The following TMEM117 variants were observed in gnomAD, a reference collection of about 807,000 sequenced individuals.
TMEM117 encodes the protein transmembrane protein 117.
A neutral mutation model predicts 52.4 loss-of-function variants in TMEM117; 27 were observed. That is an observed-to-expected ratio of 0.51 (90% CI 0.38 to 0.71). The LOEUF (loss-of-function observed/expected upper bound fraction) is 0.71. Among genes scored for constraint, TMEM117 ranks in the 30% least tolerant of loss-of-function variants. The pLI is 0.00. For synonymous variants in TMEM117, 215 were observed against 206.3 expected (o/e 1.04, Z -0.36); for missense variants, 556 against 630.5 (o/e 0.88, Z 1.26).
At chr12:44,010,039 C>T (rs2638849) in intron 3 of TMEM117, 346,248 of 376,298 alleles carry the variant, frequency 0.92, 159,620 homozygotes, top group East Asian at 0.96. Flanking sequence ...ATGTGGTGTA[C>T]TTCTTACTGG....
At chr12:43,807,376 C>G in the TMEM117 span, among the ~76,000 whole-genome samples, 1 of 152,114 alleles carries the variant, frequency 6.6e-6, no homozygotes, top group East Asian at 1.9e-4. Flanking sequence ...TGTTCTATTG[C>G]CTGTTATCTG....
chr12:43,981,650 A>T (rs1945762472), intron 3 of TMEM117, among the ~76,000 whole-genome samples: 1 of 152,194 alleles, frequency 6.6e-6, no homozygotes, highest in Non-Finnish European at 1.5e-5. Context: ...CCTAGTCCAA[A>T]ATTCTTTAGT....
chr12:44,082,011 TATTTA>T (rs1439631201), intron 3 of TMEM117, among the ~76,000 whole-genome samples: 5 of 151,906 alleles, frequency 3.3e-5, no homozygotes, highest in African/African-American at 1.2e-4. Context: ...ATTAAAATAT[TATTTA>T]ATTTATATTT....
At chr12:44,155,742 A>G (rs907417686) in intron 4 of TMEM117, among the ~76,000 whole-genome samples, 1 of 152,124 alleles carries the variant, frequency 6.6e-6, no homozygotes, top group Non-Finnish European at 1.5e-5. Flanking sequence ...TCAGTTTACA[A>G]CAAAAATATC....
At chr12:44,092,246 CAT>C (rs1222488475) in intron 3 of TMEM117, among the ~76,000 whole-genome samples, 1 of 152,188 alleles carries the variant, frequency 6.6e-6, no homozygotes, top group African/African-American at 2.4e-5. Context: ...TTTGTGTACG[CAT>C]TTATTACCTT....
rs1259473695 is a variant in TMEM117, at chr12:43,853,273, A to G, written c.277+8345A>G. Among the ~76,000 whole-genome samples, 4 of 152,092 alleles carry G rather than the reference A, an allele frequency of 2.6e-5. 1 individual carries two copies. Among genetic ancestry groups the G allele is most frequent in the Admixed American group, 1.3e-4 (2 of 15,250 alleles). On this transcript the variant is annotated intron_variant, in intron 2 of 7. Coordinates refer to ENST00000266534, the MANE Select transcript of TMEM117 (RefSeq NM_032256.3). ...TCATCCTTTACATGTTGTCTTTGCC[A>G]GTGTTACCTTTTTTATTTTTTGAGA...
At chr12:43,984,364 TAACAACAAC>T (rs3064367) in intron 3 of TMEM117, among the ~76,000 whole-genome samples, 141 of 146,102 alleles carry the variant, frequency 9.7e-4, no homozygotes, top group African/African-American at 2.2e-3. Context: ...TGAGACTCCG[TAACAACAAC>T]AACAACAACA....
chr12:44,153,388 A>G (rs1258620571), intron 4 of TMEM117, among the ~76,000 whole-genome samples: 4 of 152,078 alleles, frequency 2.6e-5, no homozygotes, highest in Admixed American at 2.6e-4. Flanking sequence ...TGTGGCATAT[A>G]GACATAGATT....
intron 3 of TMEM117, among the ~76,000 whole-genome samples, chr12:44,136,534 T>C (rs1197616442): frequency 2.0e-5 from 3 of 152,138 alleles, no homozygotes; most frequent in African/African-American, 7.2e-5. Context: ...TTTTACAGTA[T>C]CCATTTGAAG....
intron 2 of TMEM117, among the ~76,000 whole-genome samples, chr12:43,932,890 C>T (rs1565757117): frequency 6.6e-6 from 1 of 152,126 alleles, no homozygotes; most frequent in African/African-American, 2.4e-5. Flanking sequence ...AAATCAAATT[C>T]AGGATAAAAG....
intron 2 of TMEM117, among the ~76,000 whole-genome samples, chr12:43,921,707 A>G (rs916980625): frequency 2.6e-5 from 4 of 152,056 alleles, no homozygotes; most frequent in African/African-American, 7.2e-5. Flanking sequence ...TTTCGTTTCT[A>G]TGTATCTCAT....
intron 5 of TMEM117, among the ~76,000 whole-genome samples, chr12:44,265,011 G>A (rs1478940548): frequency 6.6e-6 from 1 of 152,118 alleles, no homozygotes; most frequent in Non-Finnish European, 1.5e-5. Context: ...GATAGTAGAT[G>A]ATAAAGAAAC....
chr12:43,841,407 C>T (rs1209097873), intron 1 of TMEM117, among the ~76,000 whole-genome samples: 1 of 152,136 alleles, frequency 6.6e-6, no homozygotes, highest in Non-Finnish European at 1.5e-5. Context: ...TGTAATGTGG[C>T]AGTGATAGTA....
At chr12:44,333,409 C>T (rs2138730353) in intron 6 of TMEM117, among the ~76,000 whole-genome samples, 1 of 151,906 alleles carries the variant, frequency 6.6e-6, no homozygotes. Flanking sequence ...TGGCTGTGTC[C>T]CCACCCAAAT....
chr12:44,152,464 C>A (rs55868602), intron 4 of TMEM117, among the ~76,000 whole-genome samples: 25,037 of 111,014 alleles, frequency 0.23, 6,131 homozygotes, highest in African/African-American at 0.65. Context: ...ATTTTTATAT[C>A]TATAATTATA....
At chr12:44,245,187 C>T (rs1423182007) in intron 5 of TMEM117, among the ~76,000 whole-genome samples, 1 of 151,888 alleles carries the variant, frequency 6.6e-6, no homozygotes, top group African/African-American at 2.4e-5. Flanking sequence ...TTTGTGATTC[C>T]ATACACATTT....
intron 3 of TMEM117, among the ~76,000 whole-genome samples, chr12:43,971,966 A>G (rs929986103): frequency 6.6e-6 from 1 of 152,174 alleles, no homozygotes; most frequent in Non-Finnish European, 1.5e-5. Context: ...ATGTGTTTGA[A>G]TATTTTAGAT....
chr12:44,281,893 ATAT>A (rs2138596524), intron 5 of TMEM117, among the ~76,000 whole-genome samples: 1 of 152,244 alleles, frequency 6.6e-6, no homozygotes, highest in East Asian at 1.9e-4. Flanking sequence ...TTAATAGATA[ATAT>A]TTTGTGTATT....
At chr12:43,989,010 A>G (rs1945894285) in intron 3 of TMEM117, among the ~76,000 whole-genome samples, 1 of 152,098 alleles carries the variant, frequency 6.6e-6, no homozygotes, top group Non-Finnish European at 1.5e-5. Flanking sequence ...AAAGGATTCA[A>G]AAACCCTCCC....
Sources: gnomAD v4.1 joint callset for allele counts (sites outside exome capture counted in the v4.1 genomes callset) on GRCh38, gnomAD v4.1.1 for gene constraint, MANE v1.5 for transcripts, NCBI Gene and HGNC (gene_info 2026-07-23, HGNC 2026-07-21) for gene names.